PKNOX2: variants seen among roughly 807,000 people sequenced by gnomAD.
PKNOX2 encodes PBX/knotted 1 homeobox 2, also known as homeobox protein PKNOX2.
Under a neutral mutation model 53.1 loss-of-function variants are expected in PKNOX2, and 14 were observed. The observed-to-expected ratio is 0.26, with a 90% CI of 0.17 to 0.41. The LOEUF (loss-of-function observed/expected upper bound fraction) is 0.41. PKNOX2 is among the 10% of genes least tolerant of loss of function. The probability of loss-of-function intolerance (pLI) is 1.00; values close to 1 mark genes in which losing one functional copy is unlikely to be tolerated. For synonymous variants in PKNOX2, 257 were observed against 242.8 expected (o/e 1.06, Z -0.54); for missense variants, 496 against 602.8 (o/e 0.82, Z 1.85).
intron 1 of PKNOX2, among the ~76,000 whole-genome samples, chr11:125,219,773 G>T (rs1940934564): frequency 6.6e-6 from 1 of 152,150 alleles, no homozygotes; most frequent in Non-Finnish European, 1.5e-5. Context: ...CATTCTATTG[G>T]CAAGGCCCTG....
chr11:125,200,119 T>C (rs1356506049), intron 1 of PKNOX2, among the ~76,000 whole-genome samples: 1 of 152,194 alleles, frequency 6.6e-6, no homozygotes, highest in Non-Finnish European at 1.5e-5. Context: ...CAGTGTACAA[T>C]GTCAGAGCCT....
intron 2 of PKNOX2, among the ~76,000 whole-genome samples, chr11:125,307,859 A>T (rs1948564740): frequency 6.6e-6 from 1 of 152,236 alleles, no homozygotes. Context: ...GAGGAAACAC[A>T]TCAGCACAAA....
chr11:125,372,522 C>T (rs906540839), intron 5 of PKNOX2, among the ~76,000 whole-genome samples: 1 of 152,338 alleles, frequency 6.6e-6, no homozygotes, highest in South Asian at 2.1e-4. Context: ...AATCAATGAA[C>T]TCTTGGAACA....
At chr11:125,221,739 T>C (rs1399498720) in intron 1 of PKNOX2, among the ~76,000 whole-genome samples, 2 of 152,100 alleles carry the variant, frequency 1.3e-5, no homozygotes, top group Non-Finnish European at 1.5e-5. Flanking sequence ...TTTGTTTCAG[T>C]AGGTTTTTTT....
At chr11:125,396,901 G>T (rs1270270446) in intron 6 of PKNOX2, among the ~76,000 whole-genome samples, 1 of 152,228 alleles carries the variant, frequency 6.6e-6, no homozygotes. Context: ...AAATAGATTT[G>T]CTAAACTAGA....
intron 2 of PKNOX2, among the ~76,000 whole-genome samples, chr11:125,291,392 C>T (rs1365632180): frequency 2.6e-5 from 4 of 152,188 alleles, no homozygotes; most frequent in South Asian, 2.1e-4. Context: ...CAGGCAGGCT[C>T]GAGTGTGCTA....
chr11:125,420,345 G>A (rs1225407983), intron 10 of PKNOX2, among the ~76,000 whole-genome samples: 1 of 151,554 alleles, frequency 6.6e-6, no homozygotes, highest in Admixed American at 6.6e-5. Flanking sequence ...GGCTAACACG[G>A]TGAAACCCCA....
chr11:125,341,768 G>A (rs535706925), intron 3 of PKNOX2, among the ~76,000 whole-genome samples: 2 of 152,384 alleles, frequency 1.3e-5, no homozygotes, highest in African/African-American at 4.8e-5. Context: ...CAAAAGGCAC[G>A]AGAGCATCTT....
chr11:125,271,673 T>C (rs1205832318), intron 2 of PKNOX2, among the ~76,000 whole-genome samples: 2 of 151,362 alleles, frequency 1.3e-5, no homozygotes, highest in East Asian at 3.9e-4. Flanking sequence ...GTCATGAAAA[T>C]AGCAGAGTTG....
intron 7 of PKNOX2, among the ~76,000 whole-genome samples, chr11:125,405,405 T>C (rs1005877496): frequency 2.0e-5 from 3 of 152,204 alleles, no homozygotes; most frequent in Non-Finnish European, 4.4e-5. Flanking sequence ...GTTCAAGCCC[T>C]TTCCCTATTA....
At chr11:125,338,490 G>T (rs1024343139) in intron 3 of PKNOX2, among the ~76,000 whole-genome samples, 1 of 152,174 alleles carries the variant, frequency 6.6e-6, no homozygotes, top group African/African-American at 2.4e-5. Context: ...TCTTAGAAGA[G>T]TAGCCCCGTT....
intron 1 of PKNOX2, among the ~76,000 whole-genome samples, chr11:125,186,353 C>T (rs629322): frequency 0.23 from 35,121 of 152,106 alleles, 4,342 homozygotes; most frequent in South Asian, 0.33. Flanking sequence ...TTTTTTACTT[C>T]ATGGTAATGT....
At chr11:125,401,736 C>A (rs530916571) in intron 7 of PKNOX2, among the ~76,000 whole-genome samples, 1 of 151,418 alleles carries the variant, frequency 6.6e-6, no homozygotes, top group African/African-American at 2.4e-5. Flanking sequence ...GACACAGGAG[C>A]CTGTATGAGA....
rs143848664 is a variant in PKNOX2 at position 125,420,505 on chromosome 11, G to A, written c.937-8507G>A. On this transcript the variant is annotated intron_variant, in intron 10 of 12. Coordinates refer to ENST00000298282, the MANE Select transcript of PKNOX2 (RefSeq NM_001382323.2). ...TGCGCCACTGCACTCCAGCCTGGGT[G>A]ACAGAGCAAGACTCCATCTCAAAAA... Among the ~76,000 whole-genome samples the A allele has an allele frequency of 8.8e-3, 1,299 of 148,374 alleles. 17 individuals carry two copies. The highest frequency in any genetic ancestry group is 0.031 in the African/African-American group (1,236 of 40,382).
At chr11:125,210,345 G>A (rs777836953) in intron 1 of PKNOX2, among the ~76,000 whole-genome samples, 56 of 152,230 alleles carry the variant, frequency 3.7e-4, no homozygotes, top group Admixed American at 1.0e-3. Flanking sequence ...ATGTCATCTC[G>A]CCCTTTAGGG....
At chr11:125,325,228 T>C (rs1444923372) in intron 2 of PKNOX2, among the ~76,000 whole-genome samples, 1 of 152,212 alleles carries the variant, frequency 6.6e-6, no homozygotes, top group Non-Finnish European at 1.5e-5. Context: ...GCTTCTGGCA[T>C]TCCTGCTTAT....
intron 2 of PKNOX2, among the ~76,000 whole-genome samples, chr11:125,268,153 C>T (rs1945501093): frequency 1.3e-5 from 2 of 152,334 alleles, no homozygotes; most frequent in Non-Finnish European, 2.9e-5. Flanking sequence ...TTTGGCCCAC[C>T]TGCCCCTCCC....
chr11:125,363,639 G>T (rs1226898679), intron 4 of PKNOX2, among the ~76,000 whole-genome samples: 1 of 152,186 alleles, frequency 6.6e-6, no homozygotes, highest in African/African-American at 2.4e-5. Context: ...CCAAGGCAGG[G>T]TCTCCAGAGT....
At chr11:125,349,529 G>A (rs1365977307) in intron 3 of PKNOX2, among the ~76,000 whole-genome samples, 4 of 152,140 alleles carry the variant, frequency 2.6e-5, no homozygotes, top group East Asian at 1.9e-4. Context: ...CGACGGAACC[G>A]GCCTGAAGTC....
Sources: gnomAD v4.1 joint callset for allele counts (sites outside exome capture counted in the v4.1 genomes callset) on GRCh38, gnomAD v4.1.1 for gene constraint, MANE v1.5 for transcripts, NCBI Gene and HGNC (gene_info 2026-07-23, HGNC 2026-07-21) for gene names.